Variants in GRIA1 observed in about 807,000 individuals in gnomAD.
GRIA1 encodes the protein glutamate receptor 1.
Under a neutral mutation model 99.2 loss-of-function variants are expected in GRIA1, and 31 were observed. That is an observed-to-expected ratio of 0.31 (90% CI 0.23 to 0.42). GRIA1 has a LOEUF of 0.42. Among genes scored for constraint, GRIA1 ranks in the 10% least tolerant of loss-of-function variants. The pLI, the probability that GRIA1 is intolerant of heterozygous loss-of-function variation, is 1.00. For missense variants in GRIA1, 782 were observed against 1,157.5 expected (o/e 0.68, Z 4.71); for synonymous variants, 438 against 432.4 (o/e 1.01, Z -0.16).
chr5:153,646,610 A>G (rs1167363683), intron 2 of GRIA1, among the ~76,000 whole-genome samples: 3 of 152,182 alleles, frequency 2.0e-5, no homozygotes, highest in Admixed American at 2.0e-4. Context: ...ATACATGGCT[A>G]CTGTAATTAA....
At chr5:153,502,131 T>C (rs1459752834) in intron 2 of GRIA1, among the ~76,000 whole-genome samples, 3 of 152,182 alleles carry the variant, frequency 2.0e-5, no homozygotes, top group Admixed American at 1.3e-4. Flanking sequence ...CTTCTGCCCT[T>C]CAGCTGTTTT....
chr5:153,800,294 G>A (rs893481792), intron 14 of GRIA1, among the ~76,000 whole-genome samples: 1 of 152,078 alleles, frequency 6.6e-6, no homozygotes, highest in Non-Finnish European at 1.5e-5. Flanking sequence ...AGTTTCATAG[G>A]AACTTCTGTG....
At chr5:153,737,453 C>T (rs958615682) in intron 11 of GRIA1, among the ~76,000 whole-genome samples, 2 of 152,078 alleles carry the variant, frequency 1.3e-5, no homozygotes, top group African/African-American at 4.8e-5. Flanking sequence ...CTGTGTGATC[C>T]TTCCAAAGCA....
At chr5:153,531,546 T>G (rs140039468) in intron 2 of GRIA1, among the ~76,000 whole-genome samples, 1 of 152,320 alleles carries the variant, frequency 6.6e-6, no homozygotes, top group African/African-American at 2.4e-5. Context: ...TTAAGGAAGA[T>G]ATTGCAGACC....
chr5:153,544,173 A>C (rs1376510239), intron 2 of GRIA1, among the ~76,000 whole-genome samples: 1 of 152,238 alleles, frequency 6.6e-6, no homozygotes, highest in Non-Finnish European at 1.5e-5. Flanking sequence ...GGGATTATGC[A>C]GGAACCCCAA....
chr5:153,654,539 A>G (rs933231445), intron 4 of GRIA1, among the ~76,000 whole-genome samples: 2 of 152,184 alleles, frequency 1.3e-5, no homozygotes, highest in Non-Finnish European at 2.9e-5. Flanking sequence ...TAAAACTATC[A>G]TCCCAATAGT....
chr5:153,682,289 C>A (rs10057454), intron 7 of GRIA1, among the ~76,000 whole-genome samples: 1 of 152,208 alleles, frequency 6.6e-6, no homozygotes, highest in African/African-American at 2.4e-5. Flanking sequence ...AGGAGCCCTG[C>A]GTCCAGTTTG....
At chr5:153,623,390 C>T (rs116814760) in intron 2 of GRIA1, among the ~76,000 whole-genome samples, 1 of 152,226 alleles carries the variant, frequency 6.6e-6, no homozygotes, top group African/African-American at 2.4e-5. Flanking sequence ...TCTATGACTT[C>T]AAGGAACCTT....
At chr5:153,683,364 A>G (rs1279004811) in intron 7 of GRIA1, among the ~76,000 whole-genome samples, 4 of 152,320 alleles carry the variant, frequency 2.6e-5, no homozygotes, top group African/African-American at 9.6e-5. Flanking sequence ...CCAACTAGAT[A>G]CTAAGAGCCT....
chr5:153,602,002 T>A (rs1451902909), intron 2 of GRIA1, among the ~76,000 whole-genome samples: 1 of 152,194 alleles, frequency 6.6e-6, no homozygotes, highest in Non-Finnish European at 1.5e-5. Flanking sequence ...ATGTCAGCAT[T>A]GCAGTTAAGA....
intron 2 of GRIA1, among the ~76,000 whole-genome samples, chr5:153,626,484 GTGTA>G (rs1178900907): frequency 0.011 from 1,242 of 116,136 alleles, 10 homozygotes; most frequent in African/African-American, 0.016. Context: ...GTGTGTGTGT[GTGTA>G]TGTGTTGTGC....
intron 7 of GRIA1, among the ~76,000 whole-genome samples, chr5:153,680,618 C>T (rs1756909249): frequency 6.6e-6 from 1 of 152,082 alleles, no homozygotes; most frequent in South Asian, 2.1e-4. Flanking sequence ...AGTAATCATC[C>T]CTCTTGGTCT....
At chr5:153,576,045 T>C (rs1762503483) in intron 2 of GRIA1, among the ~76,000 whole-genome samples, 1 of 152,220 alleles carries the variant, frequency 6.6e-6, no homozygotes. Context: ...GGAATCTGAA[T>C]ACCTAGTTTT....
At chr5:153,576,926 TTGGATGGATGGATGGA>T (rs574916178) in intron 2 of GRIA1, among the ~76,000 whole-genome samples, 3,309 of 129,524 alleles carry the variant, frequency 0.026, 126 homozygotes, top group African/African-American at 0.079. Context: ...TCAATAAATA[TTGGATGGATGGATGGA>T]TGGATGGATG....
chr5:153,800,024 G>T (rs1447801166), intron 14 of GRIA1, among the ~76,000 whole-genome samples: 1 of 152,162 alleles, frequency 6.6e-6, no homozygotes, highest in Non-Finnish European at 1.5e-5. Context: ...TCACTCCCTT[G>T]TCCTTGGAGG....
intron 2 of GRIA1, among the ~76,000 whole-genome samples, chr5:153,536,978 G>A (rs1758636625): frequency 6.6e-6 from 1 of 152,108 alleles, no homozygotes; most frequent in Non-Finnish European, 1.5e-5. Flanking sequence ...TACTCTTTCT[G>A]GGCCTCAGTT....
intron 2 of GRIA1, among the ~76,000 whole-genome samples, chr5:153,510,116 G>T (rs921213730): frequency 1.3e-5 from 2 of 152,154 alleles, no homozygotes; most frequent in African/African-American, 4.8e-5. Context: ...CTTGCTTGGA[G>T]TCAGCTGCCT....
At chr5:153,766,387 G>A (rs777360675) in intron 12 of GRIA1, among the ~76,000 whole-genome samples, 18 of 152,170 alleles carry the variant, frequency 1.2e-4, no homozygotes, top group Non-Finnish European at 1.9e-4. Flanking sequence ...CCCTGCTAAT[G>A]CAGTTAGGGA....
chr5:153,769,111 T>C (rs1220893021), intron 12 of GRIA1, among the ~76,000 whole-genome samples: 1 of 152,158 alleles, frequency 6.6e-6, no homozygotes, highest in Non-Finnish European at 1.5e-5. Context: ...AGAGATGACT[T>C]GCAATCTTTG....
Sources: allele counts gnomAD v4.1 joint callset (sites outside exome capture counted in the v4.1 genomes callset), GRCh38; gene constraint gnomAD v4.1.1; transcripts MANE v1.5; gene names NCBI Gene and HGNC (gene_info 2026-07-23, HGNC 2026-07-21).